ADARB2: variants seen among roughly 807,000 people sequenced by gnomAD.
ADARB2 encodes inactive double-stranded RNA-specific editase B2.
Under a neutral mutation model 62.2 loss-of-function variants are expected in ADARB2, and 25 were observed. The ratio of observed to expected loss-of-function variants is 0.40; its 90% CI spans 0.29 to 0.56. ADARB2 has a LOEUF of 0.56. ADARB2 is among the 20% of genes least tolerant of loss of function. ADARB2 has a pLI of 0.43. For missense variants in ADARB2, 1,071 were observed against 1,077.4 expected (o/e 0.99, Z 0.08); for synonymous variants, 572 against 500.8 (o/e 1.14, Z -1.90).
chr10:1,340,833 A>G (rs1832018360), intron 3 of ADARB2, among the ~76,000 whole-genome samples: 1 of 146,338 alleles, frequency 6.8e-6, no homozygotes, highest in Admixed American at 6.7e-5. Context: ...CATCCACCAG[A>G]GAACCACACA....
intron 4 of ADARB2, among the ~76,000 whole-genome samples, chr10:1,251,905 G>C (rs1390585615): frequency 1.3e-5 from 2 of 152,222 alleles, no homozygotes; most frequent in Non-Finnish European, 2.9e-5. Flanking sequence ...TGGAGGCAGA[G>C]TGCAGCCCTC....
At chr10:1,280,381 C>T (rs562611028) in intron 3 of ADARB2, among the ~76,000 whole-genome samples, 1 of 152,238 alleles carries the variant, frequency 6.6e-6, no homozygotes, top group African/African-American at 2.4e-5. Flanking sequence ...CTCTGCCCCT[C>T]ATAGGCTTTA....
chr10:1,633,547 ATCATCTATCTATCTATCTATC>A (rs1833868395), intron 1 of ADARB2, among the ~76,000 whole-genome samples: 2 of 110,994 alleles, frequency 1.8e-5, no homozygotes, highest in South Asian at 5.7e-4. Context: ...CTGTCTATCT[ATCATCTATCTATCTATCTATC>A]TATCTATCTA....
chr10:1,464,893 C>G (rs1831232955), intron 1 of ADARB2, among the ~76,000 whole-genome samples: 1 of 152,250 alleles, frequency 6.6e-6, no homozygotes, highest in Non-Finnish European at 1.5e-5. Flanking sequence ...ACACCAGCCT[C>G]AGTCACCTCC....
At chr10:1,446,051 C>A (rs188597508) in intron 1 of ADARB2, among the ~76,000 whole-genome samples, 31 of 76,394 alleles carry the variant, frequency 4.1e-4, no homozygotes, top group African/African-American at 1.1e-3. Context: ...CACTGTAGGA[C>A]GAGGAATGGA....
At chr10:1,266,155 C>T (rs568358859) in intron 4 of ADARB2, among the ~76,000 whole-genome samples, 1 of 152,208 alleles carries the variant, frequency 6.6e-6, no homozygotes, top group Non-Finnish European at 1.5e-5. Context: ...ACGGTCCACG[C>T]CCTCTGAGAA....
In ADARB2 at chr10:1,427,538, C is replaced by G. The variant is rs142210060; in HGVS notation, c.101-48378G>C. 3.9e-5 allele frequency among the ~76,000 whole-genome samples: 6 copies of G among 152,304 alleles called. 1 individual carries two copies. The highest frequency in any genetic ancestry group is 4.1e-4 in the South Asian group (2 of 4,830). On this transcript the variant is annotated intron_variant, in intron 1 of 9. Coordinates refer to ENST00000381312, the MANE Select transcript of ADARB2 (RefSeq NM_018702.4). Reference sequence around the variant, plus strand: ...ACTACAGTGAGATGTTACCATATACCTGGCAGAATGGCTTGATTGAAAAGT... The same window carrying G: ...ACTACAGTGAGATGTTACCATATACGTGGCAGAATGGCTTGATTGAAAAGT...
chr10:1,188,789 C>T (rs1178118767), intron 8 of ADARB2, among the ~76,000 whole-genome samples: 1 of 152,208 alleles, frequency 6.6e-6, no homozygotes, highest in African/African-American at 2.4e-5. Context: ...GAAACGGATG[C>T]TCATGGATGC....
At chr10:1,569,757 T>C (rs1826168519) in intron 1 of ADARB2, among the ~76,000 whole-genome samples, 1 of 151,940 alleles carries the variant, frequency 6.6e-6, no homozygotes, top group African/African-American at 2.4e-5. Context: ...TTCTAAAGTA[T>C]CATTTTTTTT....
chr10:1,208,679 C>T (rs932192582), intron 7 of ADARB2, among the ~76,000 whole-genome samples: 3 of 152,234 alleles, frequency 2.0e-5, no homozygotes, highest in African/African-American at 7.2e-5. Context: ...CTGGTCTTAG[C>T]CACCAGGCAG....
At chr10:1,220,761 C>CTGTATTATACTGTATTATACTG (rs1479230992) in intron 6 of ADARB2, among the ~76,000 whole-genome samples, 1 of 152,182 alleles carries the variant, frequency 6.6e-6, no homozygotes, top group East Asian at 1.9e-4. Context: ...TAAGGCCTTT[C>CTGTATTATACTGTATTATACTG]TAAATTTTTA....
intron 3 of ADARB2, among the ~76,000 whole-genome samples, chr10:1,308,615 C>A (rs1831654794): frequency 1.3e-5 from 2 of 152,236 alleles, no homozygotes; most frequent in African/African-American, 4.8e-5. Flanking sequence ...TGCACTCCCA[C>A]CAGCAGCGAC....
chr10:1,319,403 G>A (rs567335185), intron 3 of ADARB2, among the ~76,000 whole-genome samples: 1 of 152,280 alleles, frequency 6.6e-6, no homozygotes, highest in East Asian at 1.9e-4. Flanking sequence ...CATAAAAGCA[G>A]AAGGATAAGT....
intron 1 of ADARB2, among the ~76,000 whole-genome samples, chr10:1,564,654 G>A (rs1832833496): frequency 6.6e-6 from 1 of 152,008 alleles, no homozygotes. Flanking sequence ...AAAAACACAT[G>A]AAAAAATGCT....
At chr10:1,412,041 T>A (rs1160316872) in intron 1 of ADARB2, among the ~76,000 whole-genome samples, 1 of 152,194 alleles carries the variant, frequency 6.6e-6, no homozygotes, top group Non-Finnish European at 1.5e-5. Context: ...GGTCAAGTTA[T>A]CAGGAATTTG....
chr10:1,690,883 C>A (rs1276210672), intron 1 of ADARB2, among the ~76,000 whole-genome samples: 1 of 152,196 alleles, frequency 6.6e-6, no homozygotes, highest in Non-Finnish European at 1.5e-5. Flanking sequence ...GGGACCACCG[C>A]GGGTCTCATC....
intron 6 of ADARB2, among the ~76,000 whole-genome samples, chr10:1,224,005 C>T (rs1259504741): frequency 2.0e-5 from 3 of 152,176 alleles, no homozygotes; most frequent in Non-Finnish European, 2.9e-5. Flanking sequence ...ATGGTACCAG[C>T]TCCTCTTTGT....
intron 1 of ADARB2, among the ~76,000 whole-genome samples, chr10:1,585,753 G>T (rs1215154926): frequency 1.3e-5 from 2 of 152,216 alleles, no homozygotes; most frequent in African/African-American, 2.4e-5. Context: ...ACCAAACTGT[G>T]TCTGGGTGCG....
chr10:1,506,444 A>G (rs1188150310), intron 1 of ADARB2, among the ~76,000 whole-genome samples: 1 of 152,192 alleles, frequency 6.6e-6, no homozygotes, highest in Non-Finnish European at 1.5e-5. Context: ...TTTGAGGCTC[A>G]TGTTCCCAAG....
Sources: allele counts gnomAD v4.1 joint callset (sites outside exome capture counted in the v4.1 genomes callset), GRCh38; gene constraint gnomAD v4.1.1; transcripts MANE v1.5; gene names NCBI Gene and HGNC (gene_info 2026-07-23, HGNC 2026-07-21).